Variants in GRID1 observed in about 807,000 individuals in gnomAD.
GRID1 encodes the protein glutamate receptor ionotropic, delta-1.
Under a neutral mutation model 98.0 loss-of-function variants are expected in GRID1, and 28 were observed. The observed-to-expected ratio is 0.29, with a 90% confidence interval of 0.21 to 0.39. The LOEUF (loss-of-function observed/expected upper bound fraction) is 0.39. GRID1 is among the 10% of genes least tolerant of loss of function. The pLI is 1.00. For missense variants in GRID1, 1,111 were observed against 1,340.5 expected (o/e 0.83, Z 2.67); for synonymous variants, 553 against 538.5 (o/e 1.03, Z -0.37).
intron 4 of GRID1, among the ~76,000 whole-genome samples, chr10:85,959,154 G>C (rs1368721437): frequency 1.3e-5 from 2 of 152,046 alleles, no homozygotes; most frequent in Non-Finnish European, 2.9e-5. Flanking sequence ...CACATCTTGG[G>C]ATTTGTCAGC....
At chr10:85,928,435 C>G (rs1416685717) in intron 4 of GRID1, among the ~76,000 whole-genome samples, 2 of 152,266 alleles carry the variant, frequency 1.3e-5, no homozygotes, top group East Asian at 3.8e-4. Context: ...GCAGCCTGCA[C>G]AGTCCCCGTC....
At chr10:85,768,577 A>G (rs866142252) in intron 8 of GRID1, among the ~76,000 whole-genome samples, 3 of 152,262 alleles carry the variant, frequency 2.0e-5, no homozygotes, top group African/African-American at 7.2e-5. Flanking sequence ...ATCTGGAAAA[A>G]TTATAAGACT....
chr10:85,772,413 C>A (rs1842280559), intron 8 of GRID1, among the ~76,000 whole-genome samples: 1 of 150,426 alleles, frequency 6.6e-6, no homozygotes, highest in Non-Finnish European at 1.5e-5. Context: ...ATTAAAAGAA[C>A]TAGAAAAGCA....
chr10:86,107,333 A>G lies in GRID1; in HGVS notation c.726+31486T>C, dbSNP rs556120778. ...TGACTGCTGGAGGTGTGCCCTGATA[A>G]CAATGCACAGCCATGAGGACCGTGA... On this transcript the variant is annotated intron_variant, in intron 4 of 15. Coordinates refer to ENST00000327946, the MANE Select transcript of GRID1 (RefSeq NM_017551.3). Among the ~76,000 whole-genome samples the G allele has an allele frequency of 9.8e-5, 15 of 152,352 alleles. No homozygotes were observed. In the East Asian group the frequency reaches 1.9e-3, roughly 20 times the overall value.
At chr10:86,002,324 C>T (rs545336260) in intron 4 of GRID1, among the ~76,000 whole-genome samples, 2 of 152,324 alleles carry the variant, frequency 1.3e-5, no homozygotes, top group African/African-American at 4.8e-5. Flanking sequence ...TTCTAAAGCT[C>T]ACTGGCATTC....
rs112540014 is a variant in GRID1, at chr10:85,672,709, G to GA, written c.1998-25313dup. Reference sequence around the variant, plus strand: ...CCCACTGTTGAGACCTACTGCTCAGGAAAAAAAAAAAGATTCCTTTCAAAA... The same window carrying GA: ...CCCACTGTTGAGACCTACTGCTCAGGAAAAAAAAAAAAGATTCCTTTCAAAA... On this transcript the variant is annotated intron_variant, in intron 12 of 15. Transcript: ENST00000327946. 6.8e-4 allele frequency among the ~76,000 whole-genome samples: 98 copies of GA among 143,702 alleles called. 1 individual carries two copies. Among genetic ancestry groups the GA allele is most frequent in the South Asian group, 2.4e-3 (11 of 4,532 alleles). The allele number at this position is 143,702 out of a possible 152,430, so 94.3% of individuals were successfully genotyped here. A position where few individuals can be genotyped will look rare whatever the true frequency, so the allele number is the denominator to read the frequency against.
chr10:86,103,771 C>T (rs150368686), intron 4 of GRID1, among the ~76,000 whole-genome samples: 5 of 152,260 alleles, frequency 3.3e-5, no homozygotes, highest in Non-Finnish European at 7.4e-5. Flanking sequence ...GGTAAGGCCA[C>T]CCTGGGACAC....
At chr10:85,802,057 G>A (rs950776646) in intron 8 of GRID1, among the ~76,000 whole-genome samples, 1 of 151,986 alleles carries the variant, frequency 6.6e-6, no homozygotes, top group Admixed American at 6.6e-5. Flanking sequence ...TGCAACATCT[G>A]TAAGAGGAAG....
At chr10:85,735,198 C>T (rs1455816082) in intron 8 of GRID1, among the ~76,000 whole-genome samples, 1 of 152,164 alleles carries the variant, frequency 6.6e-6, no homozygotes, top group South Asian at 2.1e-4. Context: ...GCCGCACACA[C>T]CCACTTTTGA....
intron 12 of GRID1, among the ~76,000 whole-genome samples, chr10:85,667,235 A>T (rs185734029): frequency 6.1e-4 from 93 of 151,914 alleles, no homozygotes; most frequent in African/African-American, 2.2e-3. Flanking sequence ...CCTGGGAAAA[A>T]TTTCCCCCGC....
intron 2 of GRID1, among the ~76,000 whole-genome samples, chr10:86,268,989 C>CA (rs1292199613): frequency 4.4e-4 from 65 of 148,742 alleles, no homozygotes; most frequent in Admixed American, 1.6e-3. Context: ...GACTCTGTCT[C>CA]AAAAAAAAAT....
intron 4 of GRID1, among the ~76,000 whole-genome samples, chr10:86,093,531 T>TACC (rs1249126617): frequency 6.6e-6 from 1 of 152,170 alleles, no homozygotes; most frequent in Non-Finnish European, 1.5e-5. Context: ...TTACAACTGA[T>TACC]ACCACTGAAA....
chr10:86,132,188 C>T (rs1844848210), intron 4 of GRID1, among the ~76,000 whole-genome samples: 1 of 152,080 alleles, frequency 6.6e-6, no homozygotes, highest in African/African-American at 2.4e-5. Context: ...GCAGCTTCCC[C>T]AGCACTCAGG....
At chr10:86,097,669 C>A (rs1184534777) in intron 4 of GRID1, among the ~76,000 whole-genome samples, 1 of 151,858 alleles carries the variant, frequency 6.6e-6, no homozygotes, top group Non-Finnish European at 1.5e-5. Flanking sequence ...AAAATGCATA[C>A]TATAACACAA....
intron 4 of GRID1, among the ~76,000 whole-genome samples, chr10:85,984,644 C>A (rs1842587892): frequency 6.6e-6 from 1 of 152,190 alleles, no homozygotes; most frequent in Admixed American, 6.5e-5. Flanking sequence ...AAAGAAACAT[C>A]AGAGCAAAAC....
At chr10:86,076,411 G>A (rs933699052) in intron 4 of GRID1, among the ~76,000 whole-genome samples, 2 of 152,188 alleles carry the variant, frequency 1.3e-5, no homozygotes, top group African/African-American at 2.4e-5. Flanking sequence ...CCTGAAGCTC[G>A]GCAGCTGCTG....
chr10:85,897,771 T>G (rs1841314515), intron 5 of GRID1, among the ~76,000 whole-genome samples: 1 of 152,214 alleles, frequency 6.6e-6, no homozygotes, highest in African/African-American at 2.4e-5. Context: ...TCTTCAAATA[T>G]TCAATACATT....
chr10:86,108,810 T>C (rs527883771), intron 4 of GRID1, among the ~76,000 whole-genome samples: 1 of 152,358 alleles, frequency 6.6e-6, no homozygotes, highest in Non-Finnish European at 1.5e-5. Context: ...CCCAGGCACC[T>C]AAGGGCACAC....
At chr10:85,977,868 T>C (rs567979764) in intron 4 of GRID1, among the ~76,000 whole-genome samples, 33 of 152,234 alleles carry the variant, frequency 2.2e-4, no homozygotes, top group Admixed American at 4.6e-4. Context: ...AATCATGCCC[T>C]GATGGAACAT....
Sources: allele counts gnomAD v4.1 joint callset (sites outside exome capture counted in the v4.1 genomes callset), GRCh38; gene constraint gnomAD v4.1.1; transcripts MANE v1.5; gene names NCBI Gene and HGNC (gene_info 2026-07-23, HGNC 2026-07-21).